KIAA1217: variants seen among roughly 807,000 people sequenced by gnomAD.
KIAA1217 encodes the protein sickle tail protein homolog.
A neutral mutation model predicts 163.9 loss-of-function variants in KIAA1217; 88 were observed. That is an observed-to-expected ratio of 0.54 (90% CI 0.45 to 0.64). The LOEUF is 0.64. KIAA1217 is among the 30% of genes least tolerant of loss of function. The probability of loss-of-function intolerance (pLI) is 0.00; values close to 1 mark genes in which losing one functional copy is unlikely to be tolerated. For missense variants in KIAA1217, 2,372 were observed against 2,475.0 expected, an observed-to-expected ratio of 0.96 and a Z score of 0.88; for synonymous variants, 903 against 923.1, an observed-to-expected ratio of 0.98 and a Z score of 0.39.
chr10:24,084,910 CTTTTTTT>C (rs1197313508), intron 2 of KIAA1217, among the ~76,000 whole-genome samples: 1 of 123,810 alleles, frequency 8.1e-6, no homozygotes. Context: ...GCAGAGTTTA[CTTTTTTT>C]TTTTTTTTTT....
At chr10:23,841,978 C>T (rs1311318871) in intron 1 of KIAA1217, among the ~76,000 whole-genome samples, 5 of 152,008 alleles carry the variant, frequency 3.3e-5, no homozygotes, top group Non-Finnish European at 7.4e-5. Context: ...AGCTATTCTC[C>T]AGCCTCAACC....
intron 10 of KIAA1217, among the ~76,000 whole-genome samples, chr10:24,516,039 C>G (rs1489850620): frequency 6.6e-6 from 1 of 152,194 alleles, no homozygotes; most frequent in Non-Finnish European, 1.5e-5. Context: ...CCTCTGCATT[C>G]CAGCATGGAT....
chr10:24,060,733 T>A (rs2060691134), intron 2 of KIAA1217, among the ~76,000 whole-genome samples: 1 of 152,112 alleles, frequency 6.6e-6, no homozygotes, highest in East Asian at 1.9e-4. Context: ...GAGTTCCAGT[T>A]TATAGTGAGC....
chr10:24,390,666 C>T (rs540050929), intron 3 of KIAA1217, among the ~76,000 whole-genome samples: 8 of 152,232 alleles, frequency 5.3e-5, no homozygotes, highest in South Asian at 2.1e-4. Context: ...TTAGTTTTCT[C>T]GCACTTGATG....
chr10:24,099,647 T>A (rs1207659809), intron 2 of KIAA1217, among the ~76,000 whole-genome samples: 1 of 149,786 alleles, frequency 6.7e-6, no homozygotes, highest in Non-Finnish European at 1.5e-5. Flanking sequence ...TGTGCAGGTT[T>A]GTTACATATG....
chr10:23,780,767 G>A (rs1332478024), intron 1 of KIAA1217, among the ~76,000 whole-genome samples: 3 of 152,166 alleles, frequency 2.0e-5, no homozygotes, highest in South Asian at 2.1e-4. Context: ...CGCAACCTCC[G>A]CCTCCCAGGT....
At chr10:23,747,502 C>T (rs1409990099) in intron 1 of KIAA1217, among the ~76,000 whole-genome samples, 1 of 152,054 alleles carries the variant, frequency 6.6e-6, no homozygotes, top group Non-Finnish European at 1.5e-5. Context: ...CACATGACCA[C>T]ACATGAGCCT....
At chr10:24,333,621 A>G (rs1206843307) in intron 2 of KIAA1217, among the ~76,000 whole-genome samples, 1 of 152,208 alleles carries the variant, frequency 6.6e-6, no homozygotes, top group African/African-American at 2.4e-5. Context: ...AGGAGAGTTA[A>G]GAGAAGATCT....
chr10:23,992,947 C>T (rs1026421979), intron 1 of KIAA1217, among the ~76,000 whole-genome samples: 3 of 150,714 alleles, frequency 2.0e-5, no homozygotes, highest in African/African-American at 7.4e-5. Flanking sequence ...GCCAGTTTTA[C>T]TTTCTTTTTC....
At chr10:24,441,777 C>T (rs1159893320) in intron 5 of KIAA1217, among the ~76,000 whole-genome samples, 1 of 152,028 alleles carries the variant, frequency 6.6e-6, no homozygotes, top group African/African-American at 2.4e-5. Context: ...TGGAACAGGC[C>T]CTTTTGCAAA....
At position 24,219,769 on chromosome 10, in the gene KIAA1217, C is replaced by G. The variant is rs754656050; in HGVS notation, c.214C>G (p.Pro72Ala). Reference protein sequence around the residue: ...NIPRRHTLGGPRSSKEILGMQ... With the variant: ...NIPRRHTLGGARSSKEILGMQ... The stretch of plus-strand genomic sequence containing the variant: ...CCCAAGGAGACACACCCTAGGGGGG[C>G]CCCGAAGTTCCAAGGAAATACTGGG... The change falls in exon 2 of 21, where the codon CCC becomes GCC. Residue 72 changes from proline to alanine, a missense_variant. This residue lies in a region of KIAA1217 where 1,431 missense variants were observed against 1,470.3 expected (regional missense o/e 0.97). Coordinates refer to ENST00000376454, the MANE Select transcript of KIAA1217 (RefSeq NM_019590.5). 47 of 1,613,772 alleles carry G rather than the reference C, an allele frequency of 2.9e-5. No homozygotes were observed. Among genetic ancestry groups the G allele is most frequent in the Admixed American group, 6.7e-5 (4 of 59,984 alleles).
chr10:24,469,109 T>C (rs1315400649), intron 5 of KIAA1217, among the ~76,000 whole-genome samples: 1 of 151,988 alleles, frequency 6.6e-6, no homozygotes, highest in Non-Finnish European at 1.5e-5. Context: ...CTCTAGAATA[T>C]TTTATTTTAT....
intron 2 of KIAA1217, among the ~76,000 whole-genome samples, chr10:24,294,615 A>G (rs1046003466): frequency 5.9e-5 from 9 of 152,244 alleles, no homozygotes; most frequent in African/African-American, 1.7e-4. Context: ...TCCTTAACAG[A>G]ACATGGTTCT....
At chr10:24,391,475 GC>G (rs748038634) in intron 3 of KIAA1217, among the ~76,000 whole-genome samples, 47 of 151,458 alleles carry the variant, frequency 3.1e-4, no homozygotes, top group Non-Finnish European at 5.4e-4. Context: ...CTCCTAAGTA[GC>G]TGGGATTACA....
intron 1 of KIAA1217, among the ~76,000 whole-genome samples, chr10:23,931,339 G>T (rs1405522638): frequency 2.6e-5 from 4 of 152,138 alleles, no homozygotes; most frequent in Non-Finnish European, 5.9e-5. Flanking sequence ...GCCAAAATTT[G>T]AATCTAGAAT....
At chr10:24,103,618 A>G (rs186724885) in intron 2 of KIAA1217, among the ~76,000 whole-genome samples, 2 of 152,064 alleles carry the variant, frequency 1.3e-5, no homozygotes, top group African/African-American at 4.8e-5. Context: ...AAGAATATAT[A>G]CAGATAGAAA....
rs549951052 is a variant in KIAA1217 at position 24,498,155 on chromosome 10, G to A, written c.1834+2959G>A. On this transcript the variant is annotated intron_variant, in intron 8 of 20. Transcript: ENST00000376454. Reference sequence around the variant, plus strand: ...ACGAGGGTGCGGGAGACCTTGGTGGGTGGTGGTAGCAGAAGTGGCCTCCCT... The same window carrying A: ...ACGAGGGTGCGGGAGACCTTGGTGGATGGTGGTAGCAGAAGTGGCCTCCCT... Among the ~76,000 whole-genome samples, 32 of 152,218 alleles carry A rather than the reference G, an allele frequency of 2.1e-4. 1 individual carries two copies. In the South Asian group the frequency reaches 6.7e-3, roughly 32 times the overall value.
At chr10:24,094,992 T>C (rs1481338468) in intron 2 of KIAA1217, among the ~76,000 whole-genome samples, 4 of 152,148 alleles carry the variant, frequency 2.6e-5, no homozygotes, top group African/African-American at 9.7e-5. Flanking sequence ...CTCAGACTGC[T>C]GTGCTAGCAA....
chr10:23,990,276 G>A (rs879911647), intron 1 of KIAA1217, among the ~76,000 whole-genome samples: 2 of 152,148 alleles, frequency 1.3e-5, no homozygotes, highest in Non-Finnish European at 2.9e-5. Flanking sequence ...GCAAGGGCTA[G>A]AAAAAGCTGC....
Sources: gnomAD v4.1 joint callset for allele counts (sites outside exome capture counted in the v4.1 genomes callset) on GRCh38, gnomAD v4.1.1 for gene constraint, gnomAD v4.1.1 regional missense constraint, MANE v1.5 for transcripts, NCBI Gene and HGNC (gene_info 2026-07-23, HGNC 2026-07-21) for gene names.